Variants in LYPLAL1 observed in about 807,000 individuals in gnomAD.
The protein encoded by LYPLAL1 is lysophospholipase like 1, also known as lysophospholipase-like protein 1.
Under a neutral mutation model 19.7 loss-of-function variants are expected in LYPLAL1, and 23 were observed. The observed-to-expected ratio is 1.17, with a 90% CI of 0.84 to 1.65. The LOEUF is 1.65. Ranked by LOEUF, LYPLAL1 falls within the 40% of genes most tolerant of loss-of-function variation. The pLI is 0.00. For synonymous variants in LYPLAL1, 119 were observed against 96.3 expected (o/e 1.24, Z -1.38); for missense variants, 355 against 279.4 (o/e 1.27, Z -1.93).
the LYPLAL1 span, among the ~76,000 whole-genome samples, chr1:219,297,122 A>T: frequency 6.6e-6 from 1 of 152,200 alleles, no homozygotes; most frequent in African/African-American, 2.4e-5. Context: ...TTTCTCTTTC[A>T]GCTTTCAGTT....
At chr1:219,274,361 G>T in the LYPLAL1 span, among the ~76,000 whole-genome samples, 3 of 152,182 alleles carry the variant, frequency 2.0e-5, no homozygotes, top group East Asian at 5.8e-4. Context: ...TTTAACTGAA[G>T]AAAACTTGAA....
At chr1:219,199,760 G>T (rs902628874) in intron 3 of LYPLAL1, among the ~76,000 whole-genome samples, 1 of 150,024 alleles carries the variant, frequency 6.7e-6, no homozygotes, top group African/African-American at 2.5e-5. Context: ...GACTACAGGC[G>T]CCTGCCACCA....
At chr1:219,187,944 T>TA (rs924460922) in intron 2 of LYPLAL1, among the ~76,000 whole-genome samples, 1 of 151,872 alleles carries the variant, frequency 6.6e-6, no homozygotes, top group African/African-American at 2.4e-5. Flanking sequence ...TTTTCTTAGA[T>TA]ATGATTTTTT....
At chr1:219,285,490 A>G in the LYPLAL1 span, among the ~76,000 whole-genome samples, 1 of 152,246 alleles carries the variant, frequency 6.6e-6, no homozygotes, top group Admixed American at 6.5e-5. Flanking sequence ...GTCCATCAAC[A>G]AATGAATAAA....
the LYPLAL1 span, among the ~76,000 whole-genome samples, chr1:219,440,624 A>G: frequency 1.3e-5 from 2 of 152,224 alleles, no homozygotes; most frequent in Non-Finnish European, 2.9e-5. Context: ...CTATAGAAAT[A>G]AAAACAATTG....
At chr1:219,439,959 C>CTATATATATATATATATATATA in the LYPLAL1 span, among the ~76,000 whole-genome samples, 1 of 131,658 alleles carries the variant, frequency 7.6e-6, no homozygotes, top group African/African-American at 3.2e-5. Context: ...ACAAAACTGA[C>CTATATATATATATATATATATA]TATATATATA....
chr1:219,174,923 T>C, intron 1 of LYPLAL1: 2 of 985,390 alleles, frequency 2.0e-6, no homozygotes, highest in South Asian at 4.7e-5. Flanking sequence ...GCCAAGTGAA[T>C]TGTAAGAGAA....
At chr1:219,428,273 C>A in the LYPLAL1 span, among the ~76,000 whole-genome samples, 39 of 152,310 alleles carry the variant, frequency 2.6e-4, no homozygotes, top group Non-Finnish European at 5.3e-4. Flanking sequence ...GTTTCATGAG[C>A]TTTTATTTCT....
chr1:219,327,460 C>T, the LYPLAL1 span, among the ~76,000 whole-genome samples: 2 of 152,238 alleles, frequency 1.3e-5, no homozygotes, highest in East Asian at 3.9e-4. Context: ...GATGGGGGAG[C>T]AGCTCAGAAC....
chr1:219,213,546 CA>C (rs1368867657), downstream of LYPLAL1, among the ~76,000 whole-genome samples: 2 of 152,000 alleles, frequency 1.3e-5, no homozygotes, highest in Non-Finnish European at 2.9e-5. Flanking sequence ...TTCTAATCCA[CA>C]AACATGATAT....
chr1:219,258,285 C>T, the LYPLAL1 span, among the ~76,000 whole-genome samples: 8 of 152,004 alleles, frequency 5.3e-5, no homozygotes. Context: ...ACATCCTCAG[C>T]TTACAAAGAT....
the LYPLAL1 span, among the ~76,000 whole-genome samples, chr1:219,422,669 G>T: frequency 6.6e-6 from 1 of 152,136 alleles, no homozygotes; most frequent in African/African-American, 2.4e-5. Context: ...CTGAAAGCCA[G>T]GATCAACTTA....
chr1:219,233,060 G>T, the LYPLAL1 span, among the ~76,000 whole-genome samples: 30 of 152,166 alleles, frequency 2.0e-4, no homozygotes, highest in East Asian at 3.7e-3. Flanking sequence ...TAAAAGCAGG[G>T]TACACCTATA....
At chr1:219,333,718 G>A in the LYPLAL1 span, among the ~76,000 whole-genome samples, 11 of 151,926 alleles carry the variant, frequency 7.2e-5, no homozygotes, top group African/African-American at 2.4e-4. Flanking sequence ...AAACTCCTAG[G>A]TATCACTGAT....
At chr1:219,318,761 C>G in the LYPLAL1 span, among the ~76,000 whole-genome samples, 46 of 152,254 alleles carry the variant, frequency 3.0e-4, no homozygotes, top group South Asian at 5.0e-3. Context: ...CTCTCATTCC[C>G]TGATGAAATT....
the LYPLAL1 span, chr1:219,411,849 C>T: frequency 0.28 from 46,326 of 165,794 alleles, 7,162 homozygotes; most frequent in East Asian, 0.52. Context: ...TAACACTCAC[C>T]GCCAGGGTCC....
At chr1:219,325,165 A>G in the LYPLAL1 span, among the ~76,000 whole-genome samples, 1 of 152,156 alleles carries the variant, frequency 6.6e-6, no homozygotes, top group Non-Finnish European at 1.5e-5. Context: ...TTAATCTAAA[A>G]TCTTTCTGCT....
the LYPLAL1 span, among the ~76,000 whole-genome samples, chr1:219,345,445 G>C: frequency 1.3e-5 from 2 of 152,028 alleles, no homozygotes; most frequent in African/African-American, 4.8e-5. Flanking sequence ...TAGTTTTTTG[G>C]GGATTTGGTT....
the LYPLAL1 span, among the ~76,000 whole-genome samples, chr1:219,292,893 G>C: frequency 7.9e-5 from 12 of 152,184 alleles, no homozygotes; most frequent in Non-Finnish European, 1.6e-4. Context: ...TGGGATAGGA[G>C]ACATCCATTC....
Sources: gnomAD v4.1 joint callset for allele counts (sites outside exome capture counted in the v4.1 genomes callset) on GRCh38, gnomAD v4.1.1 for gene constraint, MANE v1.5 for transcripts, NCBI Gene and HGNC (gene_info 2026-07-23, HGNC 2026-07-21) for gene names.